Variants in KCNQ5 observed in about 807,000 individuals in gnomAD.
KCNQ5 encodes the protein potassium voltage-gated channel subfamily Q member 5, also known as potassium voltage-gated channel subfamily KQT member 5.
In KCNQ5, 30 loss-of-function variants were observed where a neutral mutation model predicts 98.2. The ratio of observed to expected loss-of-function variants is 0.31; its 90% CI spans 0.23 to 0.41. The LOEUF (loss-of-function observed/expected upper bound fraction) is 0.41, where lower values mean the gene tolerates loss of function less well. Among genes scored for constraint, KCNQ5 ranks in the 10% least tolerant of loss-of-function variants. The pLI is 1.00. For synonymous variants in KCNQ5, 458 were observed against 449.4 expected (o/e 1.02, Z -0.24); for missense variants, 835 against 1,182.5 (o/e 0.71, Z 4.31).
intron 1 of KCNQ5, among the ~76,000 whole-genome samples, chr6:72,624,999 C>T (rs747258446): frequency 1.4e-4 from 21 of 152,134 alleles, no homozygotes; most frequent in Non-Finnish European, 2.8e-4. Context: ...TAACTAATTC[C>T]CTGCCAGCTT....
intron 1 of KCNQ5, among the ~76,000 whole-genome samples, chr6:72,913,063 T>C (rs1286459224): frequency 6.6e-6 from 1 of 152,134 alleles, no homozygotes; most frequent in Non-Finnish European, 1.5e-5. Flanking sequence ...AAAATGAAAG[T>C]TTTTTTAATG....
chr6:72,762,073 C>G (rs1772313717), intron 1 of KCNQ5, among the ~76,000 whole-genome samples: 1 of 152,030 alleles, frequency 6.6e-6, no homozygotes, highest in South Asian at 2.1e-4. Flanking sequence ...CATTTTCCTT[C>G]TCTGAGCCCC....
chr6:73,124,372 A>G (rs754357518), intron 8 of KCNQ5, 114 bp from the exon 9 acceptor site: 1 of 879,172 alleles, frequency 1.1e-6, no homozygotes, highest in South Asian at 1.4e-5. Flanking sequence ...ATCTTGCATG[A>G]AAAGAGTTAC....
At chr6:72,927,997 G>A (rs1765512354) in intron 1 of KCNQ5, among the ~76,000 whole-genome samples, 1 of 151,986 alleles carries the variant, frequency 6.6e-6, no homozygotes, top group Admixed American at 6.6e-5. Flanking sequence ...TTAGTCTGGA[G>A]AATAAATACA....
chr6:72,778,578 C>A (rs1663358099), intron 1 of KCNQ5, among the ~76,000 whole-genome samples: 1 of 143,750 alleles, frequency 7.0e-6, no homozygotes, highest in African/African-American at 2.5e-5. Context: ...TTGAAAACTG[C>A]TAAAAGAATA....
At chr6:72,793,202 G>T (rs1303959494) in intron 1 of KCNQ5, among the ~76,000 whole-genome samples, 1 of 152,162 alleles carries the variant, frequency 6.6e-6, no homozygotes, top group Non-Finnish European at 1.5e-5. Flanking sequence ...TAAACACAAA[G>T]TATTTTTGCA....
At chr6:72,855,897 CTTAA>C (rs1202221374) in intron 1 of KCNQ5, among the ~76,000 whole-genome samples, 1 of 152,156 alleles carries the variant, frequency 6.6e-6, no homozygotes, top group Non-Finnish European at 1.5e-5. Context: ...TATCTTAAGA[CTTAA>C]TTAACCAAGA....
chr6:72,971,501 T>C (rs1767895803), intron 1 of KCNQ5, among the ~76,000 whole-genome samples: 2 of 152,202 alleles, frequency 1.3e-5, no homozygotes, highest in Non-Finnish European at 2.9e-5. Flanking sequence ...ACTGGGTATA[T>C]ACCCAAAGGA....
intron 1 of KCNQ5, among the ~76,000 whole-genome samples, chr6:72,790,405 A>G (rs1199463848): frequency 6.6e-6 from 1 of 152,210 alleles, no homozygotes; most frequent in Non-Finnish European, 1.5e-5. Flanking sequence ...GCACAGAAAG[A>G]CAAACTTCGC....
At chr6:73,132,783 C>A (rs534542144) in intron 9 of KCNQ5, among the ~76,000 whole-genome samples, 50 of 152,298 alleles carry the variant, frequency 3.3e-4, no homozygotes, top group African/African-American at 9.1e-4. Flanking sequence ...TCATCACATT[C>A]ATTATCTGTT....
intron 5 of KCNQ5, among the ~76,000 whole-genome samples, chr6:73,081,894 G>T (rs1265074136): frequency 1.3e-5 from 2 of 152,016 alleles, no homozygotes; most frequent in East Asian, 3.9e-4. Flanking sequence ...TATTTCTGAG[G>T]AAGAATTCCT....
At chr6:72,976,326 A>C (rs1449573565) in intron 1 of KCNQ5, among the ~76,000 whole-genome samples, 1 of 152,204 alleles carries the variant, frequency 6.6e-6, no homozygotes, top group Non-Finnish European at 1.5e-5. Flanking sequence ...AACACCTTTT[A>C]ATGTGTTTTC....
At chr6:72,736,377 T>C (rs1018379895) in intron 1 of KCNQ5, among the ~76,000 whole-genome samples, 2 of 151,790 alleles carry the variant, frequency 1.3e-5, no homozygotes, top group Admixed American at 6.6e-5. Context: ...GTGGATTACA[T>C]TGACAAAAAA....
chr6:72,856,725 G>T (rs188001308), intron 1 of KCNQ5, among the ~76,000 whole-genome samples: 2 of 152,244 alleles, frequency 1.3e-5, no homozygotes, highest in East Asian at 1.9e-4. Context: ...TAATGACAAA[G>T]AAATATTTGT....
At chr6:73,171,805 A>C (rs1778027247) in intron 11 of KCNQ5, among the ~76,000 whole-genome samples, 2 of 152,220 alleles carry the variant, frequency 1.3e-5, no homozygotes, top group African/African-American at 4.8e-5. Flanking sequence ...CAGTCCACGA[A>C]TTAATCTGAC....
chr6:73,194,361 C>A, intron 13 of KCNQ5, 91 bp from the exon 14 acceptor site: 1 of 1,137,376 alleles, frequency 8.8e-7, no homozygotes, highest in Admixed American at 2.5e-5. Flanking sequence ...AATGTGTTGG[C>A]ACACCTTGAC....
In KCNQ5 at chr6:72,846,092, C is replaced by T. The variant is rs1397601505; in HGVS notation, c.399-157816C>T. ...CATCAGCAGTATGTTAATGGGTGAA[C>T]GATTGTTAAGTGTCCCAAGAATGAA... On this transcript the variant is annotated intron_variant, in intron 1 of 13. Transcript: ENST00000370398. Among the ~76,000 whole-genome samples, 7 of 152,030 alleles carry T rather than the reference C, an allele frequency of 4.6e-5. No individual in the cohort carries two copies. In the East Asian group the frequency reaches 1.2e-3, roughly 25 times the overall value.
intron 1 of KCNQ5, among the ~76,000 whole-genome samples, chr6:72,644,579 G>T (rs2154472145): frequency 6.6e-6 from 1 of 152,202 alleles, no homozygotes; most frequent in African/African-American, 2.4e-5. Context: ...AAATAATGAG[G>T]ATCAGCAATA....
At chr6:72,717,179 G>A (rs1769688886) in intron 1 of KCNQ5, among the ~76,000 whole-genome samples, 1 of 152,158 alleles carries the variant, frequency 6.6e-6, no homozygotes, top group Admixed American at 6.5e-5. Context: ...AGCAAATCTA[G>A]ACAATTTGAA....
Sources: gnomAD v4.1 joint callset for allele counts (sites outside exome capture counted in the v4.1 genomes callset) on GRCh38, gnomAD v4.1.1 for gene constraint, MANE v1.5 for transcripts, NCBI Gene and HGNC (gene_info 2026-07-23, HGNC 2026-07-21) for gene names.